The following YWHAG variants were observed in gnomAD, a reference collection of about 807,000 sequenced individuals.
YWHAG encodes tyrosine 3-monooxygenase/tryptophan 5-monooxygenase activation protein gamma.
YWHAG carries 1 observed loss-of-function variant against 23.3 expected under a neutral mutation model. That is an observed-to-expected ratio of 0.04 (90% CI 0.02 to 0.20). The LOEUF is 0.20. YWHAG is among the 10% of genes least tolerant of loss of function. YWHAG has a pLI of 1.00. For missense variants in YWHAG, 151 were observed against 338.6 expected, an observed-to-expected ratio of 0.45 and a Z score of 4.35; for synonymous variants, 160 against 144.0, an observed-to-expected ratio of 1.11 and a Z score of -0.80.
chr7:76,335,811 T>C (rs1803607298), intron 1 of YWHAG, among the ~76,000 whole-genome samples: 1 of 151,954 alleles, frequency 6.6e-6, no homozygotes, highest in South Asian at 2.1e-4. Context: ...ATGAGCTGGG[T>C]GTGGTGTGCA....
At chr7:76,345,223 T>C (rs2115629991) in intron 1 of YWHAG, among the ~76,000 whole-genome samples, 1 of 150,678 alleles carries the variant, frequency 6.6e-6, no homozygotes, top group African/African-American at 2.4e-5. Context: ...TCTCGCTCTG[T>C]TGCCCAGGCT....
chr7:76,332,870 G>T (rs143190540), intron 1 of YWHAG, among the ~76,000 whole-genome samples: 1 of 152,010 alleles, frequency 6.6e-6, no homozygotes, highest in South Asian at 2.1e-4. Flanking sequence ...TGCCTGGCTA[G>T]TTTTTGTATT....
intron 1 of YWHAG, among the ~76,000 whole-genome samples, chr7:76,350,850 G>A (rs983965935): frequency 6.6e-6 from 1 of 151,804 alleles, no homozygotes; most frequent in Non-Finnish European, 1.5e-5. Context: ...TCAAAAAAAA[G>A]AAAAGAGAAA....
At chr7:76,354,167 G>A (rs1256630636) in intron 1 of YWHAG, among the ~76,000 whole-genome samples, 4 of 151,868 alleles carry the variant, frequency 2.6e-5, no homozygotes, top group African/African-American at 9.7e-5. Flanking sequence ...AGAAGATAAC[G>A]TTTTATATCA....
chr7:76,337,025 TC>T (rs1439707293), intron 1 of YWHAG, among the ~76,000 whole-genome samples: 4 of 152,162 alleles, frequency 2.6e-5, no homozygotes, highest in African/African-American at 9.7e-5. Context: ...TCATCACAAC[TC>T]GTTCGAAAGA....
At chr7:76,349,032 G>C (rs1218808295) in intron 1 of YWHAG, among the ~76,000 whole-genome samples, 2 of 151,944 alleles carry the variant, frequency 1.3e-5, no homozygotes, top group African/African-American at 4.8e-5. Context: ...TTTCATCTAA[G>C]TGTGTAATTT....
At chr7:76,344,100 T>C (rs751113335) in intron 1 of YWHAG, among the ~76,000 whole-genome samples, 5 of 152,092 alleles carry the variant, frequency 3.3e-5, no homozygotes, top group Non-Finnish European at 7.4e-5. Context: ...TACAGGACTT[T>C]AAGCAAACAA....
chr7:76,352,925 A>G (rs560236385), intron 1 of YWHAG, among the ~76,000 whole-genome samples: 31 of 152,326 alleles, frequency 2.0e-4, no homozygotes, highest in Admixed American at 5.2e-4. Flanking sequence ...TGCTGGGATT[A>G]CAGGCGTGAG....
intron 1 of YWHAG, among the ~76,000 whole-genome samples, chr7:76,355,692 A>T (rs1483901842): frequency 6.6e-6 from 1 of 152,204 alleles, no homozygotes; most frequent in Non-Finnish European, 1.5e-5. Flanking sequence ...TATTGATCCC[A>T]CTAGGAATAT....
At chr7:76,352,369 C>T (rs760502648) in intron 1 of YWHAG, among the ~76,000 whole-genome samples, 4 of 152,084 alleles carry the variant, frequency 2.6e-5, no homozygotes, top group South Asian at 2.1e-4. Context: ...ACTCAGCTTG[C>T]GGCAGGTTGG....
In YWHAG at chr7:76,327,855, T is replaced by C. The variant is rs1803473481; in HGVS notation, c.*1722A>G. Reference sequence around the variant, plus strand: ...AAGTCATGCTGGGTAAACTGTGCGATGTTACAGAGCACATTGAGTCTGTGG... The same window carrying C: ...AAGTCATGCTGGGTAAACTGTGCGACGTTACAGAGCACATTGAGTCTGTGG... On this transcript the variant is annotated 3_prime_UTR_variant, in exon 2 of 2. Coordinates refer to ENST00000307630, the MANE Select transcript of YWHAG (RefSeq NM_012479.4). 6.6e-6 allele frequency: 1 copy of C among 152,148 alleles called. No individual in the cohort carries two copies. The highest frequency in any genetic ancestry group is 2.4e-5 in the African/African-American group (1 of 41,420). 9.4% of individuals were successfully genotyped at this position (152,148 alleles called of 1,614,324 possible).
chr7:76,336,451 C>CT (rs35137930), intron 1 of YWHAG, among the ~76,000 whole-genome samples: 2,504 of 116,696 alleles, frequency 0.021, 84 homozygotes, highest in African/African-American at 0.064. Context: ...GAAAGTCTGG[C>CT]TTTTTTTTTT....
At chr7:76,349,395 G>A (rs1020559055) in intron 1 of YWHAG, among the ~76,000 whole-genome samples, 1 of 148,136 alleles carries the variant, frequency 6.8e-6, no homozygotes, top group Admixed American at 6.8e-5. Context: ...CGGTCCAGAC[G>A]CGTTTTGGTC....
chr7:76,342,711 C>T (rs1269190059), intron 1 of YWHAG, among the ~76,000 whole-genome samples: 1 of 152,196 alleles, frequency 6.6e-6, no homozygotes, highest in Non-Finnish European at 1.5e-5. Context: ...GGCTTCGAAC[C>T]TCCGCTGGGC....
chr7:76,336,810 T>C (rs1803623393), intron 1 of YWHAG, among the ~76,000 whole-genome samples: 1 of 148,414 alleles, frequency 6.7e-6, no homozygotes, highest in South Asian at 2.3e-4. Flanking sequence ...CTTGGCTCCA[T>C]CTTACATTTT....
At chr7:76,330,307 A>C in intron 1 of YWHAG, 74 bp from the exon 2 acceptor site, 1 of 1,452,136 alleles carries the variant, frequency 6.9e-7, no homozygotes, top group South Asian at 1.3e-5. Flanking sequence ...TTGAGACACT[A>C]GAACAGAGCT....
At chr7:76,341,986 T>C (rs1803702541) in intron 1 of YWHAG, among the ~76,000 whole-genome samples, 2 of 152,218 alleles carry the variant, frequency 1.3e-5, no homozygotes, top group Non-Finnish European at 2.9e-5. Context: ...GCTCACTTGT[T>C]TGAAATATAA....
Position 76,329,489 on chromosome 7 carries a change from T to TA in YWHAG, c.*87_*88insT. 2.8e-5 allele frequency: 29 copies of TA among 1,024,212 alleles called. No homozygotes were observed. The highest frequency in any genetic ancestry group is 3.6e-5 in the Non-Finnish European group (27 of 740,066). The allele number at this position is 1,024,212 out of a possible 1,614,324, so 63.4% of individuals were successfully genotyped here. A position where few individuals can be genotyped will look rare whatever the true frequency, so the allele number is the denominator to read the frequency against. On this transcript the variant is annotated 3_prime_UTR_variant, in exon 2 of 2. Transcript: ENST00000307630. The surrounding 1 kb of genome is among the most constrained non-coding windows in gnomAD (Gnocchi z 6.1). ...TCCCTGGGAAGGTCATCCCTCCCTT[T>TA]CCCTCCCCCACCCGACCCCCAACTC...
chr7:76,339,985 AG>A (rs1344922780), intron 1 of YWHAG, among the ~76,000 whole-genome samples: 3 of 152,118 alleles, frequency 2.0e-5, no homozygotes, highest in Admixed American at 1.3e-4. Context: ...GCTACTCGGG[AG>A]GCTGAGACAG....
Sources: allele counts gnomAD v4.1 joint callset (sites outside exome capture counted in the v4.1 genomes callset), GRCh38; gene constraint gnomAD v4.1.1; non-coding constraint Gnocchi (gnomAD v3.1); transcripts MANE v1.5; gene names NCBI Gene and HGNC (gene_info 2026-07-23, HGNC 2026-07-21).